The following GPM6B variants were observed in gnomAD, a reference collection of about 807,000 sequenced individuals.
GPM6B encodes the protein neuronal membrane glycoprotein M6-b.
GPM6B carries 4 observed loss-of-function variants against 27.2 expected under a neutral mutation model. The observed-to-expected ratio is 0.15, with a 90% CI of 0.07 to 0.34. The LOEUF (loss-of-function observed/expected upper bound fraction) is 0.34. GPM6B is among the 10% of genes least tolerant of loss of function. The pLI is 1.00. For synonymous variants in GPM6B, 124 were observed against 103.1 expected (o/e 1.20, Z -1.23); for missense variants, 183 against 261.9 (o/e 0.70, Z 2.08).
intron 1 of GPM6B, among the ~76,000 whole-genome samples, chrX:13,812,140 C>G (rs989311327): frequency 1.9e-5 from 2 of 104,436 alleles, no homozygotes; most frequent in Admixed American, 2.1e-4. Flanking sequence ...ACCTCCGCCT[C>G]TCGGGTTCAC....
At chrX:13,904,708 G>A (rs990321892) in intron 1 of GPM6B, among the ~76,000 whole-genome samples, 1 of 110,082 alleles carries the variant, frequency 9.1e-6, no homozygotes, top group African/African-American at 3.3e-5. Flanking sequence ...GGTGTGCTAG[G>A]AATTAAACCT....
chrX:13,865,140 ATG>A (rs1316083005), intron 1 of GPM6B, among the ~76,000 whole-genome samples: 4 of 111,317 alleles, frequency 3.6e-5, no homozygotes, highest in Non-Finnish European at 7.5e-5. Flanking sequence ...TATGTGATAA[ATG>A]TGGCAAAGAT....
intron 1 of GPM6B, among the ~76,000 whole-genome samples, chrX:13,927,438 C>CA (rs1921267589): frequency 8.9e-6 from 1 of 112,523 alleles, no homozygotes; most frequent in African/African-American, 3.2e-5. Context: ...GGAACATAGG[C>CA]AAAGTATTAT....
intron 1 of GPM6B, among the ~76,000 whole-genome samples, chrX:13,826,433 G>C (rs771138128): frequency 3.6e-5 from 4 of 111,747 alleles, no homozygotes; most frequent in Non-Finnish European, 7.5e-5. Context: ...GCCGGGTACA[G>C]TGTGGCTCAT....
At chrX:13,839,490 C>A (rs892664257) in intron 1 of GPM6B, among the ~76,000 whole-genome samples, 4 of 111,922 alleles carry the variant, frequency 3.6e-5, no homozygotes, top group African/African-American at 1.3e-4. Context: ...AATATTTTTA[C>A]AGAGTTTGAC....
At position 13,772,220 on chromosome X, in the gene GPM6B, C is replaced by T. The variant is rs1478398854; in HGVS notation, c.*661G>A. The T allele has an allele frequency of 8.9e-6, 1 of 111,992 alleles. No homozygotes were observed. The highest frequency in any genetic ancestry group is 1.9e-5 in the Non-Finnish European group (1 of 53,109). 9.2% of individuals were successfully genotyped at this position (111,992 alleles called of 1,213,427 possible). On this transcript the variant is annotated 3_prime_UTR_variant, in exon 8 of 8. Transcript: ENST00000316715. ...GCTTCTGGAAAGCTTGTCAGTGAGTCCAGCATCCAGATTCTTTAATAGTAG... is the reference window on the plus strand; with the variant it reads ...GCTTCTGGAAAGCTTGTCAGTGAGTTCAGCATCCAGATTCTTTAATAGTAG...
chrX:13,817,669 C>CT (rs2049261803), upstream of GPM6B, among the ~76,000 whole-genome samples: 1 of 112,168 alleles, frequency 8.9e-6, no homozygotes. Context: ...AAGTACATTG[C>CT]TTTTTAAAAA....
intron 1 of GPM6B, among the ~76,000 whole-genome samples, chrX:13,843,360 T>C (rs756739013): frequency 3.6e-5 from 4 of 112,542 alleles, no homozygotes; most frequent in African/African-American, 1.3e-4. Flanking sequence ...GACATTTGAG[T>C]TGTTTCCACC....
rs7052127 is a variant in GPM6B at position 13,848,256 on chromosome X, C to T, written c.-197-62448G>A. ...CCTCTGAAGGTTCCAATAGGATAAG[C>T]TGAGACCTTGGTTGGGATGATGCTG... On this transcript the variant is annotated intron_variant, in intron 1 of 6. Transcript: ENST00000398361. Among the ~76,000 whole-genome samples the T allele has an allele frequency of 9.9e-3, 1,102 of 111,784 alleles. 16 individuals carry two copies. The highest frequency in any genetic ancestry group is 0.034 in the African/African-American group (1,034 of 30,759).
intron 2 of GPM6B, among the ~76,000 whole-genome samples, chrX:13,803,122 T>TTATAGC (rs2048953651): frequency 8.9e-6 from 1 of 111,775 alleles, no homozygotes; most frequent in African/African-American, 3.3e-5. Flanking sequence ...TTCCCAGGAC[T>TTATAGC]TATAGCTACA....
chrX:13,816,213 T>C (rs1262939383), intron 1 of GPM6B, among the ~76,000 whole-genome samples: 1 of 111,521 alleles, frequency 9.0e-6, no homozygotes, highest in East Asian at 2.8e-4. Flanking sequence ...AAATAGGACC[T>C]TTATCAATTT....
upstream of GPM6B, among the ~76,000 whole-genome samples, chrX:13,817,624 T>G (rs1290651731): frequency 8.9e-6 from 1 of 112,648 alleles, no homozygotes; most frequent in Non-Finnish European, 1.9e-5. Context: ...TCTATTTACT[T>G]TCTTAAATAT....
At chrX:13,850,240 T>G (rs1412232827) in intron 1 of GPM6B, among the ~76,000 whole-genome samples, 1 of 111,587 alleles carries the variant, frequency 9.0e-6, no homozygotes, top group Non-Finnish European at 1.9e-5. Context: ...AGTGGGTTCT[T>G]CCTCTGTTAG....
intron 1 of GPM6B, among the ~76,000 whole-genome samples, chrX:13,838,697 G>A (rs957846566): frequency 8.9e-6 from 1 of 111,755 alleles, no homozygotes; most frequent in African/African-American, 3.3e-5. Context: ...GCCTTCCCCT[G>A]CCCAAAGGGA....
chrX:13,812,045 TTTC>T lies in GPM6B; in HGVS notation c.62-4279_62-4277del, dbSNP rs1274805372. 2.3e-3 allele frequency among the ~76,000 whole-genome samples: 111 copies of T among 47,626 alleles called. 1 individual carries two copies. Among genetic ancestry groups the T allele is most frequent in the Middle Eastern group, 0.022 (2 of 93 alleles). The allele number at this position is 47,626 out of a possible 115,157, so 41.4% of individuals were successfully genotyped here. A position where few individuals can be genotyped will look rare whatever the true frequency, so the allele number is the denominator to read the frequency against. On this transcript the variant is annotated intron_variant, in intron 1 of 7. Coordinates refer to ENST00000316715, the MANE Select transcript of GPM6B (RefSeq NM_001001995.3). ...TTCAAAGGAGAACACTTTTCTTTTC[TTTC>T]TTTTTTTTTTTTTTTTTTTGAGACA...
intron 1 of GPM6B, among the ~76,000 whole-genome samples, chrX:13,838,135 A>AG (rs1434642053): frequency 2.4e-5 from 2 of 85,092 alleles, no homozygotes; most frequent in Non-Finnish European, 4.3e-5. Flanking sequence ...AAAAAAAAGA[A>AG]AAAAAAAAAA....
chrX:13,894,458 T>C (rs1316649254), intron 1 of GPM6B, among the ~76,000 whole-genome samples: 1 of 112,500 alleles, frequency 8.9e-6, no homozygotes, highest in Non-Finnish European at 1.9e-5. Context: ...TGATCTCTCT[T>C]ATGTGAATTT....
chrX:13,919,002 T>C (rs1332939875), intron 1 of GPM6B, among the ~76,000 whole-genome samples: 1 of 111,840 alleles, frequency 8.9e-6, no homozygotes, highest in African/African-American at 3.2e-5. Context: ...CTTCATTTCC[T>C]TATTTGGAGA....
At chrX:13,795,742 C>CTTTTTT (rs146240939) in intron 2 of GPM6B, among the ~76,000 whole-genome samples, 15 of 82,769 alleles carry the variant, frequency 1.8e-4, no homozygotes, top group East Asian at 8.0e-4. Context: ...AATTTCTTTT[C>CTTTTTT]TTTTTTTTTT....
Sources: gnomAD v4.1 joint callset for allele counts (sites outside exome capture counted in the v4.1 genomes callset) on GRCh38, gnomAD v4.1.1 for gene constraint, MANE v1.5 for transcripts, NCBI Gene and HGNC (gene_info 2026-07-23, HGNC 2026-07-21) for gene names.